WHRN: variants seen among roughly 807,000 people sequenced by gnomAD.
The protein encoded by WHRN is CASK-interacting protein CIP98.
A neutral mutation model predicts 68.3 loss-of-function variants in WHRN; 41 were observed. That is an observed-to-expected ratio of 0.60 (90% CI 0.47 to 0.78). The LOEUF (loss-of-function observed/expected upper bound fraction) is 0.78, where lower values mean the gene tolerates loss of function less well. Among genes scored for constraint, WHRN ranks in the 30% least tolerant of loss-of-function variants. The pLI is 0.00. For synonymous variants in WHRN, 560 were observed against 561.3 expected (o/e 1.00, Z 0.03); for missense variants, 1,243 against 1,244.7 (o/e 1.00, Z 0.02).
intron 2 of WHRN, among the ~76,000 whole-genome samples, chr9:114,468,624 T>A (rs1840924943): frequency 1.3e-5 from 2 of 152,110 alleles, no homozygotes; most frequent in Admixed American, 1.3e-4. Flanking sequence ...CCAGCTGCCT[T>A]AGTCCAGGAC....
intron 7 of WHRN, among the ~76,000 whole-genome samples, chr9:114,410,977 T>A (rs116615509): frequency 0.011 from 1,655 of 152,340 alleles, 31 homozygotes; most frequent in African/African-American, 0.038. Flanking sequence ...AGGTAAATCC[T>A]TCCTCTGTAA....
chr9:114,487,287 C>T (rs1268986322), intron 1 of WHRN, among the ~76,000 whole-genome samples: 2 of 150,412 alleles, frequency 1.3e-5, no homozygotes, highest in East Asian at 3.9e-4. Flanking sequence ...CCCATGGTAA[C>T]GACTGATATG....
At chr9:114,427,592 C>T (rs754012643) in intron 3 of WHRN, among the ~76,000 whole-genome samples, 27 of 152,168 alleles carry the variant, frequency 1.8e-4, no homozygotes, top group Non-Finnish European at 3.2e-4. Context: ...CAGCATTTTT[C>T]AAAGATTTGG....
chr9:114,449,810 T>A (rs1839163130), intron 3 of WHRN, among the ~76,000 whole-genome samples: 1 of 152,184 alleles, frequency 6.6e-6, no homozygotes, highest in South Asian at 2.1e-4. Flanking sequence ...CACAAGCCAA[T>A]CGCTTAGACA....
At chr9:114,427,850 C>T (rs1191481854) in intron 3 of WHRN, among the ~76,000 whole-genome samples, 4 of 152,216 alleles carry the variant, frequency 2.6e-5, no homozygotes, top group Non-Finnish European at 5.9e-5. Flanking sequence ...GCATTTCAAG[C>T]ATTCACCACC....
chr9:114,428,023 G>A (rs1837039259), intron 3 of WHRN, among the ~76,000 whole-genome samples: 1 of 152,146 alleles, frequency 6.6e-6, no homozygotes, highest in Non-Finnish European at 1.5e-5. Context: ...CACACAGTAG[G>A]AATTAAAAAA....
intron 7 of WHRN, among the ~76,000 whole-genome samples, chr9:114,412,278 C>A (rs898264908): frequency 6.6e-6 from 1 of 152,220 alleles, no homozygotes; most frequent in East Asian, 1.9e-4. Context: ...GAAATGCCTG[C>A]GGAACAGGCT....
At chr9:114,419,792 G>C (rs1307892963) in intron 7 of WHRN, among the ~76,000 whole-genome samples, 1 of 152,168 alleles carries the variant, frequency 6.6e-6, no homozygotes, top group Middle Eastern at 3.2e-3. Context: ...AGCTCAGAGA[G>C]GTGAAACCAC....
chr9:114,461,516 C>T lies in WHRN; in HGVS notation c.963+4751G>A, dbSNP rs150861558. Among the ~76,000 whole-genome samples, 214 of 152,354 alleles carry T rather than the reference C, an allele frequency of 1.4e-3. 2 individuals carry two copies. The highest frequency in any genetic ancestry group is 1.9e-4 in the Non-Finnish European group (13 of 68,034). ...CAGCTGCACAGTCTTGGGTGCATTA[C>T]ATCTCCCGTGCAATCAGGCTGTTTC... On this transcript the variant is annotated intron_variant, in intron 3 of 11. Transcript: ENST00000362057.
intron 2 of WHRN, among the ~76,000 whole-genome samples, chr9:114,470,439 C>G (rs143311041): frequency 6.6e-6 from 1 of 152,162 alleles, no homozygotes; most frequent in Non-Finnish European, 1.5e-5. Context: ...AGATTCACCT[C>G]CCTGGTGAGG....
At chr9:114,449,692 G>T (rs10739413) in intron 3 of WHRN, among the ~76,000 whole-genome samples, 8 of 152,072 alleles carry the variant, frequency 5.3e-5, no homozygotes, top group African/African-American at 1.9e-4. Context: ...CCTGTGGCAG[G>T]TTCTTGGGAA....
intron 3 of WHRN, among the ~76,000 whole-genome samples, chr9:114,426,752 G>A (rs952607729): frequency 1.3e-5 from 2 of 152,216 alleles, no homozygotes; most frequent in African/African-American, 4.8e-5. Flanking sequence ...AGCTGGGGTA[G>A]GATGAGGCAA....
At chr9:114,465,004 G>A (rs1480121414) in intron 3 of WHRN, among the ~76,000 whole-genome samples, 1 of 152,166 alleles carries the variant, frequency 6.6e-6, no homozygotes, top group African/African-American at 2.4e-5. Context: ...AGTGTTTGGT[G>A]AGGGCTTACG....
chr9:114,424,914 C>A, intron 5 of WHRN, 74 bp downstream of exon 5: 1 of 1,517,506 alleles, frequency 6.6e-7, no homozygotes, highest in Non-Finnish European at 9.2e-7. Context: ...TCACTCGGCA[C>A]CCTCTGGCTG....
intron 3 of WHRN, among the ~76,000 whole-genome samples, chr9:114,449,420 C>T (rs1839115357): frequency 6.6e-6 from 1 of 152,242 alleles, no homozygotes; most frequent in Admixed American, 6.5e-5. Context: ...GGCCAAGCTG[C>T]AAGTGAGCTC....
chr9:114,498,530 A>C (rs1472861685), intron 1 of WHRN, among the ~76,000 whole-genome samples: 2 of 152,074 alleles, frequency 1.3e-5, no homozygotes, highest in Non-Finnish European at 2.9e-5. Flanking sequence ...CTGCTCAGAG[A>C]ATGTATGGAT....
Position 114,445,083 on chromosome 9 carries a change from C to T in WHRN, c.964-18670G>A, listed in dbSNP as rs367663544. On this transcript the variant is annotated intron_variant, in intron 3 of 11. Transcript: ENST00000362057. ...ATTAGACAGAGTCTCACTCTGTCAC[C>T]CAGGCTGGAGTGCAGTGGTGTGATC... 9.4e-4 allele frequency among the ~76,000 whole-genome samples: 142 copies of T among 151,850 alleles called. 1 individual carries two copies. The East Asian group carries it at 0.025, about 27-fold the overall frequency.
chr9:114,490,770 G>C (rs990266377), intron 1 of WHRN, among the ~76,000 whole-genome samples: 1 of 152,200 alleles, frequency 6.6e-6, no homozygotes, highest in East Asian at 1.9e-4. Flanking sequence ...CCTTCAAAGA[G>C]AGGGATAAAA....
At chr9:114,404,980 G>A (rs1239203269) in intron 9 of WHRN, among the ~76,000 whole-genome samples, 2 of 151,946 alleles carry the variant, frequency 1.3e-5, no homozygotes, top group East Asian at 1.9e-4. Context: ...CTCAGCTCAG[G>A]CAGGGGCCAT....
Sources: allele counts gnomAD v4.1 joint callset (sites outside exome capture counted in the v4.1 genomes callset), GRCh38; gene constraint gnomAD v4.1.1; transcripts MANE v1.5; gene names NCBI Gene and HGNC (gene_info 2026-07-23, HGNC 2026-07-21).